RORB: variants seen among roughly 807,000 people sequenced by gnomAD.
RORB encodes the protein RAR related orphan receptor B.
Under a neutral mutation model 59.1 loss-of-function variants are expected in RORB, and 6 were observed. The ratio of observed to expected loss-of-function variants is 0.10; its 90% CI spans 0.06 to 0.20. RORB has a LOEUF of 0.20. RORB is among the 10% of genes least tolerant of loss of function. RORB has a pLI of 1.00. For synonymous variants in RORB, 215 were observed against 204.5 expected (o/e 1.05, Z -0.44); for missense variants, 320 against 560.5 (o/e 0.57, Z 4.33).
chr9:74,598,828 C>G (rs756848404), intron 1 of RORB, among the ~76,000 whole-genome samples: 1 of 152,098 alleles, frequency 6.6e-6, no homozygotes, highest in Non-Finnish European at 1.5e-5. Flanking sequence ...CTAGGAAATT[C>G]AAAGGTATGA....
chr9:74,578,215 T>G (rs973974668), intron 1 of RORB, among the ~76,000 whole-genome samples: 7 of 152,100 alleles, frequency 4.6e-5, no homozygotes, highest in African/African-American at 1.7e-4. Flanking sequence ...AGCAATCCTC[T>G]CTAAATTTTT....
intron 4 of RORB, among the ~76,000 whole-genome samples, chr9:74,646,974 A>G (rs1823910925): frequency 6.6e-6 from 1 of 152,206 alleles, no homozygotes; most frequent in South Asian, 2.1e-4. Flanking sequence ...TTTTGAGAAT[A>G]GAAATAAAAT....
chr9:74,598,852 T>A (rs1054199667), intron 1 of RORB, among the ~76,000 whole-genome samples: 1 of 152,174 alleles, frequency 6.6e-6, no homozygotes, highest in Admixed American at 6.5e-5. Flanking sequence ...TGGCTTCTGA[T>A]GAGAGCTTTA....
chr9:74,520,912 T>C (rs1370940613), intron 1 of RORB, among the ~76,000 whole-genome samples: 3 of 151,890 alleles, frequency 2.0e-5, no homozygotes, highest in African/African-American at 7.2e-5. Flanking sequence ...AATGGTAAAA[T>C]TCTGTGATTT....
intron 1 of RORB, among the ~76,000 whole-genome samples, chr9:74,611,754 T>C (rs1187112341): frequency 6.6e-6 from 1 of 152,170 alleles, no homozygotes; most frequent in Non-Finnish European, 1.5e-5. Flanking sequence ...CTCAAGCGAT[T>C]CTCCTGCCTG....
chr9:74,677,187 A>G (rs578111096), intron 9 of RORB, among the ~76,000 whole-genome samples: 2 of 152,332 alleles, frequency 1.3e-5, no homozygotes, highest in East Asian at 1.9e-4. Flanking sequence ...GATCAAGTGT[A>G]AAAAGTCCAG....
chr9:74,619,368 C>T (rs1346405737), intron 1 of RORB, among the ~76,000 whole-genome samples: 1 of 152,132 alleles, frequency 6.6e-6, no homozygotes, highest in Non-Finnish European at 1.5e-5. Flanking sequence ...ACATGTGTGG[C>T]TGTAGAATTA....
chr9:74,498,217 G>C, intron 1 of RORB: 1 of 598,330 alleles, frequency 1.7e-6, no homozygotes, highest in Non-Finnish European at 3.0e-6. Context: ...TTTTGGAGAG[G>C]GGAGACAGGC....
intron 1 of RORB, among the ~76,000 whole-genome samples, chr9:74,581,599 G>A (rs1473517402): frequency 6.6e-6 from 1 of 152,110 alleles, no homozygotes; most frequent in African/African-American, 2.4e-5. Flanking sequence ...AAATACAAAG[G>A]AGCAAGAGAT....
chr9:74,579,199 T>G (rs1195557571), intron 1 of RORB, among the ~76,000 whole-genome samples: 1 of 152,128 alleles, frequency 6.6e-6, no homozygotes, highest in African/African-American at 2.4e-5. Flanking sequence ...TTCATAGGAC[T>G]TTCAGCAAGT....
At chr9:74,506,768 G>A (rs7853479) in intron 1 of RORB, among the ~76,000 whole-genome samples, 44,965 of 151,860 alleles carry the variant, frequency 0.3, 7,014 homozygotes, top group Admixed American at 0.39. Flanking sequence ...ATAGTGGGCA[G>A]GACCACAGAG....
chr9:74,570,984 T>C (rs912975033), intron 1 of RORB, among the ~76,000 whole-genome samples: 4 of 151,164 alleles, frequency 2.6e-5, no homozygotes, highest in Non-Finnish European at 5.9e-5. Context: ...TAATTAATTA[T>C]ATTATAATTA....
chr9:74,641,289 T>C (rs1439977613), intron 3 of RORB, among the ~76,000 whole-genome samples: 3 of 152,174 alleles, frequency 2.0e-5, no homozygotes, highest in African/African-American at 7.2e-5. Context: ...AGGTTAAATA[T>C]CTTAAGAAAC....
At chr9:74,510,162 G>A (rs1038896655) in intron 1 of RORB, among the ~76,000 whole-genome samples, 6 of 152,012 alleles carry the variant, frequency 3.9e-5, no homozygotes, top group African/African-American at 1.2e-4. Flanking sequence ...CCAATTGATC[G>A]TATTATAGAA....
At chr9:74,628,002 T>C (rs868817287) in intron 1 of RORB, among the ~76,000 whole-genome samples, 9 of 152,154 alleles carry the variant, frequency 5.9e-5, no homozygotes, top group Middle Eastern at 3.2e-3. Context: ...TTTTACAAGG[T>C]GCTTCTACAT....
At chr9:74,534,954 C>T (rs1299967909) in intron 1 of RORB, among the ~76,000 whole-genome samples, 1 of 152,072 alleles carries the variant, frequency 6.6e-6, no homozygotes, top group African/African-American at 2.4e-5. Flanking sequence ...ATCACTGTAT[C>T]TGACTGATCT....
intron 4 of RORB, among the ~76,000 whole-genome samples, chr9:74,656,347 C>G (rs1192042517): frequency 6.6e-6 from 1 of 152,142 alleles, no homozygotes; most frequent in African/African-American, 2.4e-5. Flanking sequence ...TCAGACCTTC[C>G]TCATAGCTGG....
intron 1 of RORB, among the ~76,000 whole-genome samples, chr9:74,512,812 A>G (rs1825959986): frequency 1.3e-5 from 2 of 152,056 alleles, no homozygotes; most frequent in Non-Finnish European, 2.9e-5. Context: ...CCCCTTTACA[A>G]TAATCTCATT....
intron 1 of RORB, among the ~76,000 whole-genome samples, chr9:74,524,184 A>G (rs1374882801): frequency 1.3e-5 from 2 of 151,784 alleles, no homozygotes; most frequent in Admixed American, 1.3e-4. Flanking sequence ...CTAGGAGGTC[A>G]CAGGAGAGGA....
Sources: gnomAD v4.1 joint callset for allele counts (sites outside exome capture counted in the v4.1 genomes callset) on GRCh38, gnomAD v4.1.1 for gene constraint, MANE v1.5 for transcripts, NCBI Gene and HGNC (gene_info 2026-07-23, HGNC 2026-07-21) for gene names.